Variants in ADCK5 observed in about 807,000 individuals in gnomAD.
ADCK5 encodes uncharacterized aarF domain-containing protein kinase 5.
Under a neutral mutation model 64.9 loss-of-function variants are expected in ADCK5, and 43 were observed. The ratio of observed to expected loss-of-function variants is 0.66; its 90% CI spans 0.52 to 0.85. ADCK5 has a LOEUF of 0.85. Among genes scored for constraint, ADCK5 ranks in the 40% least tolerant of loss-of-function variants. The probability of loss-of-function intolerance (pLI) is 0.00; values close to 1 mark genes in which losing one functional copy is unlikely to be tolerated. For missense variants in ADCK5, 760 were observed against 810.5 expected (o/e 0.94, Z 0.76); for synonymous variants, 434 against 342.8 (o/e 1.27, Z -2.94).
At chr8:144,378,237 C>T (rs1819452604) in intron 1 of ADCK5, among the ~76,000 whole-genome samples, 1 of 152,166 alleles carries the variant, frequency 6.6e-6, no homozygotes, top group African/African-American at 2.4e-5. Flanking sequence ...GCGGTGCTGG[C>T]AGTCTTTGCT....
chr8:144,392,087 C>T lies in ADCK5; in HGVS notation c.1097-5C>T. ...GCAGCGCGACCTAAGAGGCTGTATC[C>T]CTAGTTCTGGTGCGGAAAGGCCCGG... On this transcript the variant is annotated splice_region_variant and splice_polypyrimidine_tract_variant and intron_variant, in intron 10 of 14. Coordinates refer to ENST00000308860, the MANE Select transcript of ADCK5 (RefSeq NM_174922.5). 1 of 1,612,386 alleles carries T rather than the reference C, an allele frequency of 6.2e-7. No individual in the cohort carries two copies. Among genetic ancestry groups the T allele is most frequent in the Non-Finnish European group, 8.5e-7 (1 of 1,179,910 alleles).
intron 3 of ADCK5, among the ~76,000 whole-genome samples, chr8:144,387,522 C>A (rs1449627962): frequency 6.6e-6 from 1 of 152,158 alleles, no homozygotes; most frequent in East Asian, 1.9e-4. Context: ...CAGCCCCAGT[C>A]TCCCCAGTAG....
At position 144,392,238 on chromosome 8, in the gene ADCK5, G is replaced by T. The variant is rs969529995; in HGVS notation, c.1176-16G>T. On this transcript the variant is annotated splice_polypyrimidine_tract_variant and intron_variant, in intron 11 of 14. Transcript: ENST00000308860. ...TGCCGCAGGGAGCTCATGGCTGCGG[G>T]CCCATCCACACCCAGGGACCGCGCA... is the stretch of plus-strand genomic sequence containing the variant. 6 of 1,542,530 alleles carry T rather than the reference G, an allele frequency of 3.9e-6. No homozygotes were observed. The highest frequency in any genetic ancestry group is 8.7e-7 in the Non-Finnish European group (1 of 1,148,594).
intron 3 of ADCK5, among the ~76,000 whole-genome samples, chr8:144,386,408 A>G (rs1819930249): frequency 6.6e-6 from 1 of 151,424 alleles, no homozygotes; most frequent in South Asian, 2.1e-4. Flanking sequence ...CCCAGGCTGG[A>G]GTGCAATGGT....
Position 144,391,825 on chromosome 8 carries a change from G to C in ADCK5, c.973G>C (p.Asp325His). ...CTTCTGCGCCGGCTGCAAGGTCAAC[G>C]ATGTGGAGGCCATCAGGAGCCAGGG... ...ADFCAGCKVNDVEAIRSQGLA... is the reference protein window; with the variant it reads ...ADFCAGCKVNHVEAIRSQGLA... Residue 325 changes from aspartate (D) to histidine (H), a missense_variant, in exon 9 of 15, where the codon GAT becomes CAT. Around this residue, in one of 2 missense-constraint regions of ADCK5, gnomAD observed 427 missense variants for 518.4 expected, o/e 0.82. Transcript: ENST00000308860. The C allele has an allele frequency of 6.8e-7, 1 of 1,467,110 alleles. No homozygotes were observed. The highest frequency in any genetic ancestry group is 1.4e-5 in the African/African-American group (1 of 70,412). 90.9% of individuals were successfully genotyped at this position (1,467,110 alleles called of 1,614,324 possible).
intron 2 of ADCK5, among the ~76,000 whole-genome samples, chr8:144,380,365 C>T (rs1355177712): frequency 1.3e-5 from 2 of 151,806 alleles, no homozygotes; most frequent in Non-Finnish European, 1.5e-5. Context: ...CAGATGTGTG[C>T]TCAGGCACCT....
At chr8:144,385,887 C>T (rs1282182670) in intron 3 of ADCK5, among the ~76,000 whole-genome samples, 2 of 151,274 alleles carry the variant, frequency 1.3e-5, no homozygotes, top group Non-Finnish European at 2.9e-5. Flanking sequence ...TGGCGTGAAC[C>T]CGGGAGGCGG....
chr8:144,385,484 C>T (rs1819875668), intron 3 of ADCK5, among the ~76,000 whole-genome samples: 1 of 150,816 alleles, frequency 6.6e-6, no homozygotes, highest in Non-Finnish European at 1.5e-5. Flanking sequence ...ACACCTGGCC[C>T]TAAACTTAAA....
At chr8:144,391,496 G>T (rs782622316) in intron 7 of ADCK5, 22 bp downstream of exon 7, 2 of 1,600,150 alleles carry the variant, frequency 1.2e-6, no homozygotes, top group East Asian at 2.2e-5. Context: ...CCCCTTCCCC[G>T]GCCAGCAGGA....
Position 144,392,565 on chromosome 8 carries a change from T to G in ADCK5, c.1388T>G (p.Phe463Cys). 6.4e-7 allele frequency: 1 copy of G among 1,571,628 alleles called. No individual in the cohort carries two copies. ...ATGGTGGACATGGCCCGCGAGCGCT[T>G]CGAGGCCGTCATGGCGGTGCTCAGG... ...AYMVDMARERFEAVMAVLREL... is the reference protein window; with the variant it reads ...AYMVDMARERCEAVMAVLREL... The change falls in exon 13 of 15, where the codon TTC becomes TGC. Residue 463 changes from phenylalanine (F) to cysteine (C), a missense_variant. Phe to Cys is a radical substitution (Grantham distance 205). Around this residue, in one of 2 missense-constraint regions of ADCK5, gnomAD observed 333 missense variants for 292.0 expected, o/e 1.14. Coordinates refer to ENST00000308860, the MANE Select transcript of ADCK5 (RefSeq NM_174922.5).
chr8:144,391,519 G>A, intron 7 of ADCK5, 45 bp downstream of exon 7: 2 of 1,589,368 alleles, frequency 1.3e-6, no homozygotes, highest in South Asian at 1.1e-5. Context: ...AAACACGTAG[G>A]CAGAGCTGGT....
chr8:144,383,381 G>A (rs1051984587), intron 3 of ADCK5, 151 bp downstream of exon 3: 102 of 1,250,272 alleles, frequency 8.2e-5, no homozygotes, highest in Non-Finnish European at 2.1e-5. Context: ...TGCTTTTCAG[G>A]CGTCCTTTCC....
chr8:144,382,500 G>C (rs1356834762), intron 2 of ADCK5, among the ~76,000 whole-genome samples: 2 of 150,544 alleles, frequency 1.3e-5, no homozygotes, highest in African/African-American at 5.0e-5. Flanking sequence ...AGGGAGTATT[G>C]GGCTCCTGCT....
intron 1 of ADCK5, among the ~76,000 whole-genome samples, chr8:144,375,928 G>A (rs1819344741): frequency 6.6e-6 from 1 of 152,214 alleles, no homozygotes; most frequent in African/African-American, 2.4e-5. Context: ...GCAGTTTAGA[G>A]GTCGTGTTCT....
At chr8:144,382,548 A>G (rs1819724393) in intron 2 of ADCK5, among the ~76,000 whole-genome samples, 1 of 151,000 alleles carries the variant, frequency 6.6e-6, no homozygotes, top group Non-Finnish European at 1.5e-5. Flanking sequence ...GTATTCAGCA[A>G]GTATTGGGCT....
intron 3 of ADCK5, among the ~76,000 whole-genome samples, chr8:144,388,545 A>G (rs1444846860): frequency 6.6e-6 from 1 of 152,174 alleles, no homozygotes; most frequent in East Asian, 1.9e-4. Flanking sequence ...TGGGCGGATC[A>G]CGAGGTCGGG....
chr8:144,391,176 G>C lies in ADCK5; in HGVS notation c.586G>C (p.Glu196Gln), dbSNP rs1554860410. 10 of 1,611,940 alleles carry C rather than the reference G, an allele frequency of 6.2e-6. No individual in the cohort carries two copies. The East Asian group carries it at 2.2e-4, about 36-fold the overall frequency. ...TGAGGACTTCCAGGCCCTCCCCCAC[G>C]AGCTCTTCCAGGAGTTTGACTACCA... ...FLEDFQALPH[E>Q]LFQEFDYQPI... Residue 196 changes from glutamate to glutamine, a missense_variant, in exon 6 of 15, where the codon GAG becomes CAG. Coordinates refer to ENST00000308860, the MANE Select transcript of ADCK5 (RefSeq NM_174922.5).
chr8:144,387,437 G>T (rs1819972275), intron 3 of ADCK5, among the ~76,000 whole-genome samples: 1 of 151,742 alleles, frequency 6.6e-6, no homozygotes, highest in South Asian at 2.1e-4. Flanking sequence ...GTCTTGCTCT[G>T]TCACTCAGGC....
upstream of ADCK5, chr8:144,373,666 A>C (rs1554856507): frequency 6.0e-6 from 1 of 165,846 alleles, no homozygotes; most frequent in African/African-American, 2.4e-5. Flanking sequence ...GGTGAGTTGG[A>C]GTCCTGAGGT....
Sources: gnomAD v4.1 joint callset for allele counts (sites outside exome capture counted in the v4.1 genomes callset) on GRCh38, gnomAD v4.1.1 for gene constraint, gnomAD v4.1.1 regional missense constraint, MANE v1.5 for transcripts, NCBI Gene and HGNC (gene_info 2026-07-23, HGNC 2026-07-21) for gene names.